Variants in TBC1D16 observed in about 807,000 individuals in gnomAD.
The protein encoded by TBC1D16 is CTD-2529O21.1.
In TBC1D16, 58 loss-of-function variants were observed where a neutral mutation model predicts 74.7. That is an observed-to-expected ratio of 0.78 (90% CI 0.63 to 0.97). The LOEUF (loss-of-function observed/expected upper bound fraction) is 0.97, where lower values mean the gene tolerates loss of function less well. Among genes scored for constraint, TBC1D16 ranks in the 50% least tolerant of loss-of-function variants. TBC1D16 has a pLI of 0.00. For missense variants in TBC1D16, 1,014 were observed against 1,079.5 expected (o/e 0.94, Z 0.85); for synonymous variants, 493 against 474.7 (o/e 1.04, Z -0.50).
chr17:80,011,404 C>A (rs1327627912), intron 2 of TBC1D16, among the ~76,000 whole-genome samples: 1 of 152,114 alleles, frequency 6.6e-6, no homozygotes, highest in Non-Finnish European at 1.5e-5. Context: ...AGCCCTGACC[C>A]TGGCCCCAGG....
At chr17:79,960,799 A>AAAAAAAC in intron 3 of TBC1D16, among the ~76,000 whole-genome samples, 1 of 148,108 alleles carries the variant, frequency 6.8e-6, no homozygotes, top group Non-Finnish European at 1.5e-5. Flanking sequence ...AAAAAAAAAA[A>AAAAAAAC]AAAAAAAAAA....
intron 1 of TBC1D16, among the ~76,000 whole-genome samples, chr17:80,031,259 C>T (rs969268699): frequency 1.3e-5 from 2 of 152,182 alleles, no homozygotes; most frequent in African/African-American, 2.4e-5. Context: ...CTCGCAGCTG[C>T]GCTGAACTTC....
chr17:80,017,321 C>T (rs1286309484), intron 1 of TBC1D16, among the ~76,000 whole-genome samples: 1 of 152,086 alleles, frequency 6.6e-6, no homozygotes, highest in East Asian at 1.9e-4. Flanking sequence ...GACACTCAAG[C>T]TTAAATTCTA....
Position 80,028,753 on chromosome 17 carries a change from G to A in TBC1D16, c.-63+7042C>T, listed in dbSNP as rs890000039. 2.0e-5 allele frequency among the ~76,000 whole-genome samples: 3 copies of A among 151,206 alleles called. No individual in the cohort carries two copies. In the East Asian group the frequency reaches 6.0e-4, roughly 30 times the overall value. On this transcript the variant is annotated intron_variant, in intron 1 of 11. Transcript: ENST00000310924. ...ATTCTCCAGAGTAGCTGGAATTACA[G>A]GCGCGCGCCACCACACCCAGCTAAC... is the stretch of plus-strand genomic sequence containing the variant.
rs1346178624 is a variant in TBC1D16 at position 79,947,169 on chromosome 17, A to C, written c.1728+476T>G. 2.6e-5 allele frequency among the ~76,000 whole-genome samples: 4 copies of C among 151,918 alleles called. No individual in the cohort carries two copies. In the East Asian group the frequency reaches 7.8e-4, roughly 30 times the overall value. ...TTGACGGGAGAGGTGTCAGCAGGGC[A>C]CCCCAGGGGAGGGGTGGGGTGTGAG... is the stretch of plus-strand genomic sequence containing the variant. On this transcript the variant is annotated intron_variant, in intron 9 of 11. Transcript: ENST00000310924.
chr17:79,997,098 C>G (rs764545823), intron 3 of TBC1D16, among the ~76,000 whole-genome samples: 1 of 152,206 alleles, frequency 6.6e-6, no homozygotes, highest in Non-Finnish European at 1.5e-5. Flanking sequence ...TTGCCCTGTG[C>G]CAGGGCAGCG....
At chr17:80,002,694 G>A (rs554167662) in intron 3 of TBC1D16, among the ~76,000 whole-genome samples, 1 of 152,330 alleles carries the variant, frequency 6.6e-6, no homozygotes, top group East Asian at 1.9e-4. Context: ...CAGGCATGGA[G>A]GCCTCCCGCT....
intron 3 of TBC1D16, among the ~76,000 whole-genome samples, chr17:79,963,468 C>G (rs1453161121): frequency 6.6e-6 from 1 of 151,760 alleles, no homozygotes; most frequent in Non-Finnish European, 1.5e-5. Context: ...ACGGATGGAC[C>G]GCGTTTTGTT....
chr17:80,033,559 G>A (rs1423646123), intron 1 of TBC1D16, among the ~76,000 whole-genome samples: 5 of 152,036 alleles, frequency 3.3e-5, no homozygotes, highest in East Asian at 1.9e-4. Flanking sequence ...TTTTTGTAGC[G>A]ATAGGGTCTC....
chr17:80,004,585 C>T (rs1292952983), intron 3 of TBC1D16, among the ~76,000 whole-genome samples: 1 of 152,222 alleles, frequency 6.6e-6, no homozygotes, highest in Non-Finnish European at 1.5e-5. Flanking sequence ...CGGTCCACCT[C>T]CTCTGCCGTT....
At chr17:80,025,146 A>G (rs62074543) in intron 1 of TBC1D16, among the ~76,000 whole-genome samples, 22,993 of 87,652 alleles carry the variant, frequency 0.26, 10,860 homozygotes, top group South Asian at 0.31. Flanking sequence ...AGGCACACAC[A>G]AACACACCAG....
intron 3 of TBC1D16, among the ~76,000 whole-genome samples, chr17:80,004,302 AG>A (rs2035596471): frequency 6.6e-6 from 1 of 152,218 alleles, no homozygotes; most frequent in African/African-American, 2.4e-5. Flanking sequence ...TGCAACGGGC[AG>A]AATCATAACC....
chr17:79,943,254 T>C (rs930659354), intron 10 of TBC1D16, among the ~76,000 whole-genome samples: 1 of 152,122 alleles, frequency 6.6e-6, no homozygotes, highest in African/African-American at 2.4e-5. Flanking sequence ...ACGGATCCTT[T>C]TGCAGTGATT....
intron 1 of TBC1D16, among the ~76,000 whole-genome samples, chr17:80,024,318 C>A (rs971486818): frequency 2.0e-5 from 3 of 150,472 alleles, no homozygotes; most frequent in African/African-American, 7.5e-5. Context: ...CCACGCACAC[C>A]ATAGACACAC....
chr17:79,987,248 T>A lies in TBC1D16; in HGVS notation c.779+22912A>T, dbSNP rs1300887356. ...GCATTTCTTTAAGGAATTTTTTTTT[T>A]ACTTTTTTTTCAGACTGGGTCTTGC... On this transcript the variant is annotated intron_variant, in intron 3 of 11. Coordinates refer to ENST00000310924, the MANE Select transcript of TBC1D16 (RefSeq NM_019020.4). The surrounding 1 kb of genome is among the most constrained non-coding windows in gnomAD (Gnocchi z 5.2). Among the ~76,000 whole-genome samples, 3 of 151,878 alleles carry A rather than the reference T, an allele frequency of 2.0e-5. No individual in the cohort carries two copies. Among genetic ancestry groups the A allele is most frequent in the Non-Finnish European group, 4.4e-5 (3 of 67,964 alleles).
chr17:79,982,875 A>G (rs550891819), intron 3 of TBC1D16, among the ~76,000 whole-genome samples: 51 of 152,290 alleles, frequency 3.3e-4, no homozygotes, highest in African/African-American at 1.2e-3. Context: ...AAACAAAAAA[A>G]TTCCCTGTAG....
Position 79,938,725 on chromosome 17 carries a change from C to T in TBC1D16, c.*2134G>A, listed in dbSNP as rs1435222657. On this transcript the variant is annotated 3_prime_UTR_variant, in exon 12 of 12. Transcript: ENST00000310924. The stretch of plus-strand genomic sequence containing the variant: ...GGACAATAAAGTGGCAGGCCTGTCC[C>T]CCACCCCTTAATGCTGAGCCCAGCC... The T allele has an allele frequency of 2.0e-5, 3 of 152,320 alleles. No homozygotes were observed. The East Asian group carries it at 5.8e-4, about 29-fold the overall frequency. The allele number at this position is 152,320 out of a possible 1,614,324, so 9.4% of individuals were successfully genotyped here.
In TBC1D16 at chr17:79,990,437, G is replaced by A. The variant is rs111600751; in HGVS notation, c.779+19723C>T. On this transcript the variant is annotated intron_variant, in intron 3 of 11. Transcript: ENST00000310924. The surrounding 1 kb of genome is among the most constrained non-coding windows in gnomAD (Gnocchi z 4.8). The stretch of plus-strand genomic sequence containing the variant: ...TGATTTCCCAATGCTTGAAGTTCAC[G>A]ACCAATTGCTGGGGTGGGGACAACC... 2.0e-4 allele frequency among the ~76,000 whole-genome samples: 30 copies of A among 152,314 alleles called. 1 individual carries two copies. The highest frequency in any genetic ancestry group is 6.0e-4 in the African/African-American group (25 of 41,572).
At chr17:80,004,099 T>C (rs114698473) in intron 3 of TBC1D16, among the ~76,000 whole-genome samples, 260 of 152,350 alleles carry the variant, frequency 1.7e-3, no homozygotes, top group African/African-American at 5.9e-3. Context: ...AACAATTTTA[T>C]TAATCCGTAT....
Sources: gnomAD v4.1 joint callset for allele counts (sites outside exome capture counted in the v4.1 genomes callset) on GRCh38, gnomAD v4.1.1 for gene constraint, Gnocchi (gnomAD v3.1) non-coding constraint, MANE v1.5 for transcripts, NCBI Gene and HGNC (gene_info 2026-07-23, HGNC 2026-07-21) for gene names.